The following GAN variants were observed in gnomAD, a reference collection of about 807,000 sequenced individuals.
GAN encodes the protein epididymis secretory sperm binding protein.
Under a neutral mutation model 71.3 loss-of-function variants are expected in GAN, and 48 were observed. The ratio of observed to expected loss-of-function variants is 0.67; its 90% CI spans 0.53 to 0.86. The LOEUF is 0.86. Ranked by LOEUF, GAN falls within the 40% of genes least tolerant of loss-of-function variation. The probability of loss-of-function intolerance (pLI) is 0.00; values close to 1 mark genes in which losing one functional copy is unlikely to be tolerated. For synonymous variants in GAN, 386 were observed against 276.8 expected, an observed-to-expected ratio of 1.39 and a Z score of -3.92; for missense variants, 928 against 770.1, an observed-to-expected ratio of 1.21 and a Z score of -2.43.
At chr16:81,343,376 C>T (rs1910011023) in intron 1 of GAN, among the ~76,000 whole-genome samples, 2 of 152,214 alleles carry the variant, frequency 1.3e-5, no homozygotes, top group Admixed American at 1.3e-4. Flanking sequence ...CAATAAAATA[C>T]TGGCAAGCCG....
intron 1 of GAN, among the ~76,000 whole-genome samples, chr16:81,317,583 C>G (rs1909084793): frequency 6.6e-6 from 1 of 152,214 alleles, no homozygotes; most frequent in African/African-American, 2.4e-5. Flanking sequence ...CTTTCACTTT[C>G]TAAATAAGAA....
At position 81,379,341 on chromosome 16, in the gene GAN, G is replaced by A. The variant is rs1270377827; in HGVS notation, c.*1745G>A. 1 of 152,184 alleles carries A rather than the reference G, an allele frequency of 6.6e-6. No individual in the cohort carries two copies. The highest frequency in any genetic ancestry group is 2.4e-5 in the African/African-American group (1 of 41,442). The allele number at this position is 152,184 out of a possible 1,614,324, so 9.4% of individuals were successfully genotyped here. Reference sequence around the variant, plus strand: ...GGGGTTCTAGAGAGTGTTGAGTGTGGTACATTAACTCTCCATTTTAGCCAG... The same window carrying A: ...GGGGTTCTAGAGAGTGTTGAGTGTGATACATTAACTCTCCATTTTAGCCAG... On this transcript the variant is annotated 3_prime_UTR_variant, in exon 11 of 11. Transcript: ENST00000648994.
chr16:81,330,095 T>C (rs1328848070), intron 1 of GAN, among the ~76,000 whole-genome samples: 1 of 152,162 alleles, frequency 6.6e-6, no homozygotes, highest in Non-Finnish European at 1.5e-5. Flanking sequence ...GAATCTGCCT[T>C]CTCTTCACCA....
At chr16:81,362,465 C>A (rs752616238) in intron 5 of GAN, 34 bp from the exon 6 acceptor site, 3 of 1,109,170 alleles carry the variant, frequency 2.7e-6, no homozygotes, top group East Asian at 4.7e-5. Flanking sequence ...TGAAGACTCA[C>A]ATTTCATATT....
At position 81,378,556 on chromosome 16, in the gene GAN, A is replaced by G. The variant is rs1904290061; in HGVS notation, c.*960A>G. 2.0e-5 allele frequency: 3 copies of G among 152,522 alleles called. No homozygotes were observed. In the South Asian group the frequency reaches 6.2e-4, roughly 32 times the overall value. The allele number at this position is 152,522 out of a possible 1,614,324, so 9.4% of individuals were successfully genotyped here. On this transcript the variant is annotated 3_prime_UTR_variant, in exon 11 of 11. Transcript: ENST00000648994. ...ACATAGGGATCAGAAACTTTTTCATATAACCTGTCTGAAAGCACACAAAGT... is the reference window on the plus strand; with the variant it reads ...ACATAGGGATCAGAAACTTTTTCATGTAACCTGTCTGAAAGCACACAAAGT...
chr16:81,350,915 C>T (rs562751762), intron 1 of GAN, among the ~76,000 whole-genome samples: 2 of 152,186 alleles, frequency 1.3e-5, no homozygotes, highest in South Asian at 4.2e-4. Flanking sequence ...CCCCAGATGC[C>T]CATCAACAGG....
At chr16:81,343,146 A>C (rs998265322) in intron 1 of GAN, among the ~76,000 whole-genome samples, 48 of 152,346 alleles carry the variant, frequency 3.2e-4, no homozygotes, top group African/African-American at 1.1e-3. Flanking sequence ...ATAGCCTACC[A>C]ACCAAAAAAA....
chr16:81,342,825 C>G (rs1443547789), intron 1 of GAN, among the ~76,000 whole-genome samples: 3 of 152,092 alleles, frequency 2.0e-5, no homozygotes, highest in Admixed American at 2.0e-4. Flanking sequence ...TTCAAAAAAT[C>G]AATGAATCCA....
chr16:81,356,032 C>G (rs560904373), intron 3 of GAN, among the ~76,000 whole-genome samples: 20 of 152,290 alleles, frequency 1.3e-4, no homozygotes, highest in African/African-American at 4.8e-4. Flanking sequence ...CATGCTGCTC[C>G]TTGCCAGCTT....
At chr16:81,367,963 A>G (rs1224424260) in intron 9 of GAN, among the ~76,000 whole-genome samples, 1 of 152,228 alleles carries the variant, frequency 6.6e-6, no homozygotes, top group African/African-American at 2.4e-5. Context: ...ATCAGACGCA[A>G]ATGTGTTATA....
chr16:81,360,864 C>A (rs1424599910), intron 5 of GAN, among the ~76,000 whole-genome samples: 1 of 152,118 alleles, frequency 6.6e-6, no homozygotes, highest in Non-Finnish European at 1.5e-5. Flanking sequence ...TTCTGCTGGT[C>A]TTTTCTTAGA....
In GAN at chr16:81,388,635, C is replaced by T. The variant is rs1264257620; in HGVS notation, c.*11039C>T. On this transcript the variant is annotated 3_prime_UTR_variant, in exon 11 of 11. Transcript: ENST00000648994. The stretch of plus-strand genomic sequence containing the variant: ...CCCAGTGCAGCCCCAGGCTCCCGGA[C>T]GTGCTCGGCCCGGTGGCCTCTTGTG... 4.6e-5 allele frequency: 7 copies of T among 152,548 alleles called. No homozygotes were observed. Among genetic ancestry groups the T allele is most frequent in the South Asian group, 2.1e-4 (1 of 4,840 alleles). 9.4% of individuals were successfully genotyped at this position (152,548 alleles called of 1,614,324 possible).
intron 1 of GAN, among the ~76,000 whole-genome samples, chr16:81,329,378 T>A (rs1909497726): frequency 6.6e-6 from 1 of 152,152 alleles, no homozygotes; most frequent in Non-Finnish European, 1.5e-5. Context: ...AAATAAACTC[T>A]CTACTTATAT....
At position 81,315,081 on chromosome 16, in the gene GAN, G is replaced by T. The variant is rs781218957; in HGVS notation, c.-33G>T. Reference sequence around the variant, plus strand: ...GGGGTCCGGCCGGACGGTGTCGGGAGCCGGACCCGTCGGCAGAGGAGCGGG... The same window carrying T: ...GGGGTCCGGCCGGACGGTGTCGGGATCCGGACCCGTCGGCAGAGGAGCGGG... On this transcript the variant is annotated 5_prime_UTR_variant, in exon 1 of 11. Transcript: ENST00000648994. The T allele has an allele frequency of 6.9e-7, 1 of 1,459,820 alleles. No individual in the cohort carries two copies. Among genetic ancestry groups the T allele is most frequent in the Admixed American group, 2.3e-5 (1 of 42,582 alleles). The allele number at this position is 1,459,820 out of a possible 1,614,324, so 90.4% of individuals were successfully genotyped here.
chr16:81,316,934 C>T (rs1455782745), intron 1 of GAN, among the ~76,000 whole-genome samples: 1 of 152,220 alleles, frequency 6.6e-6, no homozygotes, highest in Admixed American at 6.5e-5. Context: ...TCTCGGCCCA[C>T]TGCAACCTCC....
intron 1 of GAN, among the ~76,000 whole-genome samples, chr16:81,319,074 G>A (rs1909139053): frequency 6.6e-6 from 1 of 152,070 alleles, no homozygotes; most frequent in Non-Finnish European, 1.5e-5. Flanking sequence ...ACAGCACTTC[G>A]GGAGGCTGAG....
intron 6 of GAN, 63 bp from the exon 7 acceptor site, chr16:81,363,731 G>T (rs1001790555): frequency 2.9e-5 from 44 of 1,497,406 alleles, no homozygotes; most frequent in Non-Finnish European, 4.0e-5. Flanking sequence ...TTAAGTGTAT[G>T]AATATCAGCT....
At chr16:81,344,048 C>T (rs1405899241) in intron 1 of GAN, among the ~76,000 whole-genome samples, 1 of 152,146 alleles carries the variant, frequency 6.6e-6, no homozygotes, top group Non-Finnish European at 1.5e-5. Context: ...AGGAATACAA[C>T]TTACAAGGGA....
chr16:81,337,618 T>G (rs1349910672), intron 1 of GAN, among the ~76,000 whole-genome samples: 1 of 152,224 alleles, frequency 6.6e-6, no homozygotes, highest in African/African-American at 2.4e-5. Context: ...GTGGATGACT[T>G]TGGCTCAATT....
Sources: gnomAD v4.1 joint callset for allele counts (sites outside exome capture counted in the v4.1 genomes callset) on GRCh38, gnomAD v4.1.1 for gene constraint, MANE v1.5 for transcripts, NCBI Gene and HGNC (gene_info 2026-07-23, HGNC 2026-07-21) for gene names.